YAF2: variants seen among roughly 807,000 people sequenced by gnomAD.
YAF2 encodes YY1 associated factor 2.
Under a neutral mutation model 20.1 loss-of-function variants are expected in YAF2, and 7 were observed. That is an observed-to-expected ratio of 0.35 (90% confidence interval 0.20 to 0.65). YAF2 has a LOEUF of 0.65. Ranked by LOEUF, YAF2 falls within the 30% of genes least tolerant of loss-of-function variation. YAF2 has a pLI of 0.69. For synonymous variants in YAF2, 74 were observed against 76.0 expected (o/e 0.97, Z 0.14); for missense variants, 151 against 219.2 (o/e 0.69, Z 1.96).
intron 2 of YAF2, among the ~76,000 whole-genome samples, chr12:42,222,402 T>C (rs2067544540): frequency 1.3e-5 from 2 of 151,854 alleles, no homozygotes; most frequent in South Asian, 4.2e-4. Context: ...GACAAATGAG[T>C]GAAAAGATCA....
At chr12:42,196,633 G>A (rs1230369237) in intron 2 of YAF2, among the ~76,000 whole-genome samples, 2 of 152,156 alleles carry the variant, frequency 1.3e-5, no homozygotes, top group Admixed American at 6.5e-5. Flanking sequence ...AAACCCAAGA[G>A]GCAACAAGGA....
At chr12:42,224,534 C>G (rs182736228) in intron 2 of YAF2, among the ~76,000 whole-genome samples, 3 of 152,222 alleles carry the variant, frequency 2.0e-5, no homozygotes, top group East Asian at 1.9e-4. Context: ...TCTAGCCCCC[C>G]ACCCCGCGAC....
intron 2 of YAF2, among the ~76,000 whole-genome samples, chr12:42,217,420 C>T (rs2067387745): frequency 6.6e-6 from 1 of 152,114 alleles, no homozygotes; most frequent in African/African-American, 2.4e-5. Context: ...CATATTCCAT[C>T]TAACTCACAA....
intron 2 of YAF2, among the ~76,000 whole-genome samples, chr12:42,169,985 C>T (rs2066005957): frequency 6.6e-6 from 1 of 152,052 alleles, no homozygotes; most frequent in Admixed American, 6.6e-5. Context: ...ATCCTCCTAC[C>T]TCAGCCTCCA....
In YAF2 at chr12:42,157,842, G is replaced by T. The variant is rs2065734126; in HGVS notation, c.*2747C>A. 6.6e-6 allele frequency: 1 copy of T among 151,654 alleles called. No homozygotes were observed. Among genetic ancestry groups the T allele is most frequent in the South Asian group, 2.1e-4 (1 of 4,808 alleles). The allele number at this position is 151,654 out of a possible 1,614,324, so 9.4% of individuals were successfully genotyped here. On this transcript the variant is annotated 3_prime_UTR_variant, in exon 4 of 4. Transcript: ENST00000534854. ...GATGAGCTTTCACCATGTTGCCCAGGCTGGTCCTGGGCTCAAAATATCTGC... is the reference window on the plus strand; with the variant it reads ...GATGAGCTTTCACCATGTTGCCCAGTCTGGTCCTGGGCTCAAAATATCTGC...
chr12:42,165,254 CAGAG>C (rs2065886154), intron 2 of YAF2, among the ~76,000 whole-genome samples: 1 of 151,854 alleles, frequency 6.6e-6, no homozygotes, highest in Non-Finnish European at 1.5e-5. Context: ...TTATTATAGA[CAGAG>C]AGGAAATAAC....
At chr12:42,172,047 G>GT (rs1353702056) in intron 2 of YAF2, 1 of 152,126 alleles carries the variant, frequency 6.6e-6, no homozygotes, top group Non-Finnish European at 1.5e-5. Flanking sequence ...AATGCTATCT[G>GT]TTTTTTATTC....
At chr12:42,230,067 G>A (rs1027281244) in intron 2 of YAF2, among the ~76,000 whole-genome samples, 6 of 152,042 alleles carry the variant, frequency 3.9e-5, no homozygotes, top group African/African-American at 1.4e-4. Flanking sequence ...GACCATCCTG[G>A]CCAACATGGT....
chr12:42,236,234 C>T (rs190486944), intron 2 of YAF2, among the ~76,000 whole-genome samples: 69 of 152,318 alleles, frequency 4.5e-4, no homozygotes, highest in African/African-American at 1.5e-3. Context: ...CAACTCCAAC[C>T]TTACACAGCC....
chr12:42,177,424 C>T (rs1005365362), intron 2 of YAF2, among the ~76,000 whole-genome samples: 2 of 152,176 alleles, frequency 1.3e-5, no homozygotes, highest in Non-Finnish European at 2.9e-5. Flanking sequence ...GGCTTACAGA[C>T]GGCCATGTTC....
chr12:42,208,197 G>A (rs1437503377), intron 2 of YAF2, among the ~76,000 whole-genome samples: 1 of 152,174 alleles, frequency 6.6e-6, no homozygotes, highest in African/African-American at 2.4e-5. Context: ...GGAGGCCGAG[G>A]CGGGCAGATC....
At chr12:42,187,245 C>T (rs1296616322) in intron 2 of YAF2, among the ~76,000 whole-genome samples, 3 of 152,156 alleles carry the variant, frequency 2.0e-5, no homozygotes, top group African/African-American at 2.4e-5. Context: ...TGACCTCAAA[C>T]TCCTGGGCTC....
Position 42,160,571 on chromosome 12 carries a change from A to T in YAF2, c.*18T>A. 1 of 1,596,010 alleles carries T rather than the reference A, an allele frequency of 6.3e-7. No homozygotes were observed. The highest frequency in any genetic ancestry group is 8.6e-7 in the Non-Finnish European group (1 of 1,165,338). On this transcript the variant is annotated 3_prime_UTR_variant, in exon 4 of 4. Coordinates refer to ENST00000534854, the MANE Select transcript of YAF2 (RefSeq NM_005748.6). ...CATGGTAGGACAGAAGTGACTAAGA[A>T]ATTGGAGAAAATAAACTTTAATGAG...
intron 2 of YAF2, chr12:42,199,187 C>T (rs746025662): frequency 7.8e-7 from 1 of 1,289,264 alleles, no homozygotes; most frequent in Non-Finnish European, 1.0e-6. Context: ...AGGCTTGAGC[C>T]AGCAGGATTG....
chr12:42,218,185 AACAC>A (rs71883885), intron 2 of YAF2, among the ~76,000 whole-genome samples: 10,247 of 140,618 alleles, frequency 0.073, 675 homozygotes, highest in African/African-American at 0.18. Flanking sequence ...GCTACTAGGA[AACAC>A]ACACACACAC....
Position 42,227,323 on chromosome 12 carries a change from C to G in YAF2, c.152+10276G>C, listed in dbSNP as rs1317470077. 4.5e-4 allele frequency among the ~76,000 whole-genome samples: 30 copies of G among 67,090 alleles called. 6 individuals carry two copies. The highest frequency in any genetic ancestry group is 1.2e-4 in the Non-Finnish European group (5 of 40,896). The allele number at this position is 67,090 out of a possible 152,430, so 44.0% of individuals were successfully genotyped here. ...CCATCGTCTGCGACGTGAGGAGCCC[C>G]TCTGCCTGGCTGCCCAGTCTGGAAA... is the stretch of plus-strand genomic sequence containing the variant. On this transcript the variant is annotated intron_variant, in intron 2 of 3. Coordinates refer to ENST00000534854, the MANE Select transcript of YAF2 (RefSeq NM_005748.6).
intron 2 of YAF2, among the ~76,000 whole-genome samples, chr12:42,175,396 G>C (rs1456957081): frequency 6.6e-6 from 1 of 151,986 alleles, no homozygotes; most frequent in African/African-American, 2.4e-5. Context: ...ATTAAAAATG[G>C]GCACAAAGAA....
chr12:42,231,324 TTAG>T (rs2067977911), intron 2 of YAF2: 3 of 152,222 alleles, frequency 2.0e-5, no homozygotes, highest in African/African-American at 7.2e-5. Flanking sequence ...TAACATCTGG[TTAG>T]TAGAAGACAC....
intron 2 of YAF2, among the ~76,000 whole-genome samples, chr12:42,168,291 G>C (rs2136981374): frequency 6.7e-6 from 1 of 149,814 alleles, no homozygotes; most frequent in East Asian, 2.0e-4. Flanking sequence ...TGATTCTCCT[G>C]CCTCAGCCTC....
Sources: gnomAD v4.1 joint callset for allele counts (sites outside exome capture counted in the v4.1 genomes callset) on GRCh38, gnomAD v4.1.1 for gene constraint, MANE v1.5 for transcripts, NCBI Gene and HGNC (gene_info 2026-07-23, HGNC 2026-07-21) for gene names.